The following DIP2B variants were observed in gnomAD, a reference collection of about 807,000 sequenced individuals.
The protein encoded by DIP2B is DIP2 acetate--CoA ligase B (putative).
A neutral mutation model predicts 198.0 loss-of-function variants in DIP2B; 76 were observed. The ratio of observed to expected loss-of-function variants is 0.38; its 90% CI spans 0.32 to 0.46. The LOEUF (loss-of-function observed/expected upper bound fraction) is 0.46, where lower values mean the gene tolerates loss of function less well. Ranked by LOEUF, DIP2B falls within the 20% of genes least tolerant of loss-of-function variation. The probability of loss-of-function intolerance (pLI) is 0.99; values close to 1 mark genes in which losing one functional copy is unlikely to be tolerated. For missense variants in DIP2B, 1,559 were observed against 1,978.4 expected, an observed-to-expected ratio of 0.79 and a Z score of 4.02; for synonymous variants, 701 against 739.1, an observed-to-expected ratio of 0.95 and a Z score of 0.84.
At chr12:50,555,494 T>G (rs1958462610) in intron 1 of DIP2B, among the ~76,000 whole-genome samples, 1 of 152,204 alleles carries the variant, frequency 6.6e-6, no homozygotes. Flanking sequence ...TGGTTAATGC[T>G]TATGTTTTCC....
At chr12:50,532,652 G>A (rs1958228830) in intron 1 of DIP2B, among the ~76,000 whole-genome samples, 1 of 152,206 alleles carries the variant, frequency 6.6e-6, no homozygotes, top group African/African-American at 2.4e-5. Context: ...TGACATGAAA[G>A]GTAGGTGAGG....
chr12:50,668,088 A>G (rs988177636), intron 4 of DIP2B, among the ~76,000 whole-genome samples: 1 of 151,988 alleles, frequency 6.6e-6, no homozygotes, highest in Non-Finnish European at 1.5e-5. Context: ...GTCCCCTCCA[A>G]GCTTTCTCGC....
chr12:50,507,115 T>G (rs1025135531), intron 1 of DIP2B, among the ~76,000 whole-genome samples: 2 of 152,218 alleles, frequency 1.3e-5, no homozygotes, highest in East Asian at 3.8e-4. Flanking sequence ...GGTGTGAAAC[T>G]TCTACAAATT....
chr12:50,677,435 T>G (rs1171583795), intron 7 of DIP2B, among the ~76,000 whole-genome samples: 1 of 152,090 alleles, frequency 6.6e-6, no homozygotes, highest in Non-Finnish European at 1.5e-5. Flanking sequence ...GCCAATATAG[T>G]GAAACCCCGT....
intron 1 of DIP2B, among the ~76,000 whole-genome samples, chr12:50,506,772 TCTC>T (rs1462282054): frequency 2.0e-5 from 3 of 152,212 alleles, no homozygotes; most frequent in African/African-American, 7.2e-5. Flanking sequence ...AACTCATTCT[TCTC>T]CTAGACTAAA....
In DIP2B at chr12:50,670,322, T is replaced by G. The variant is rs145893401; in HGVS notation, c.428-864T>G. On this transcript the variant is annotated intron_variant, in intron 4 of 37. Transcript: ENST00000301180. ...CCTGTGCACCCTGACTGGCTGCCTTTCCTACTAAGGCCATGAATAAGTCCA... is the reference window on the plus strand; with the variant it reads ...CCTGTGCACCCTGACTGGCTGCCTTGCCTACTAAGGCCATGAATAAGTCCA... 4.6e-3 allele frequency among the ~76,000 whole-genome samples: 698 copies of G among 152,256 alleles called. 8 individuals are homozygous for G. Among genetic ancestry groups the G allele is most frequent in the African/African-American group, 0.016 (659 of 41,560 alleles).
intron 23 of DIP2B, among the ~76,000 whole-genome samples, chr12:50,717,699 C>T (rs1293039666): frequency 1.3e-5 from 2 of 151,562 alleles, no homozygotes; most frequent in South Asian, 2.1e-4. Context: ...AATGATCCTC[C>T]CACCTCAGCC....
chr12:50,638,426 G>T (rs1938196170), intron 2 of DIP2B, among the ~76,000 whole-genome samples: 1 of 151,980 alleles, frequency 6.6e-6, no homozygotes, highest in Admixed American at 6.5e-5. Context: ...TAATTATATT[G>T]TGTACATAAT....
rs755142868 is a variant in DIP2B, at chr12:50,674,525, C to G, written c.692C>G (p.Ser231Ter). The change falls in exon 6 of 38, where the codon TCA becomes TGA. Residue 231 changes from serine (S) to a stop codon, truncating the protein, a stop_gained. Coordinates refer to ENST00000301180, the MANE Select transcript of DIP2B (RefSeq NM_173602.3). LOFTEE classifies it high-confidence loss of function. ...ACTACAACTACCTCTTCCTCCTCAT[C>G]ATCTTCCTCAATTCGCCCAGCAAAC... is the stretch of plus-strand genomic sequence containing the variant. ...DVTTTTSSSS[S>*]SSSIRPANID... 3 of 1,614,250 alleles carry G rather than the reference C, an allele frequency of 1.9e-6. No homozygotes were observed. The highest frequency in any genetic ancestry group is 1.7e-5 in the Admixed American group (1 of 60,030).
intron 1 of DIP2B, among the ~76,000 whole-genome samples, chr12:50,539,371 C>G (rs372466498): frequency 5.9e-5 from 9 of 151,732 alleles, no homozygotes; most frequent in African/African-American, 2.2e-4. Context: ...AATACCAGCA[C>G]TTTTGAGAAA....
intron 34 of DIP2B, among the ~76,000 whole-genome samples, chr12:50,736,397 C>A (rs775802158): frequency 6.6e-6 from 1 of 152,160 alleles, no homozygotes; most frequent in Non-Finnish European, 1.5e-5. Context: ...ACTTTAGAAA[C>A]CCAAGATAAA....
chr12:50,597,460 CAG>C (rs1347377781), intron 1 of DIP2B, among the ~76,000 whole-genome samples: 2 of 152,162 alleles, frequency 1.3e-5, no homozygotes, highest in Non-Finnish European at 2.9e-5. Flanking sequence ...TTATTCTAAA[CAG>C]GGAAAAGGTT....
chr12:50,521,489 C>CTTT lies in DIP2B; in HGVS notation c.100+16267_100+16269dup, dbSNP rs35971707. ...TCTCAGTTAGACTTCAGGTTTCTTT[C>CTTT]TTTTTTTTTTTTTTTTTTTTGAGAT... On this transcript the variant is annotated intron_variant, in intron 1 of 37. Transcript: ENST00000301180. Among the ~76,000 whole-genome samples, 285 of 98,198 alleles carry CTTT rather than the reference C, an allele frequency of 2.9e-3. 4 individuals carry two copies. The highest frequency in any genetic ancestry group is 8.7e-3 in the South Asian group (25 of 2,884). The allele number at this position is 98,198 out of a possible 152,430, so 64.4% of individuals were successfully genotyped here. A position where few individuals can be genotyped will look rare whatever the true frequency, so the allele number is the denominator to read the frequency against.
chr12:50,663,720 G>A (rs1372945708), intron 4 of DIP2B, among the ~76,000 whole-genome samples: 1 of 150,772 alleles, frequency 6.6e-6, no homozygotes, highest in Non-Finnish European at 1.5e-5. Flanking sequence ...AAATTAAAAA[G>A]TTAGCTGACT....
intron 3 of DIP2B, among the ~76,000 whole-genome samples, chr12:50,643,573 A>G (rs898392479): frequency 1.6e-4 from 25 of 152,278 alleles, no homozygotes; most frequent in African/African-American, 5.5e-4. Flanking sequence ...GGAGGGGAAC[A>G]TAAAAAGAGG....
At chr12:50,510,928 AG>A (rs1958009158) in intron 1 of DIP2B, among the ~76,000 whole-genome samples, 1 of 146,498 alleles carries the variant, frequency 6.8e-6, no homozygotes, top group Non-Finnish European at 1.5e-5. Flanking sequence ...TACAGGCATG[AG>A]CCACTGCGCC....
chr12:50,683,310 G>C, intron 10 of DIP2B, 62 bp downstream of exon 10: 1 of 1,375,464 alleles, frequency 7.3e-7, no homozygotes, highest in Non-Finnish European at 1.0e-6. Flanking sequence ...TTGGGTTCTT[G>C]GATAGATGTA....
At chr12:50,568,415 A>C (rs890460662) in intron 1 of DIP2B, among the ~76,000 whole-genome samples, 7 of 152,144 alleles carry the variant, frequency 4.6e-5, no homozygotes, top group African/African-American at 1.7e-4. Context: ...AAACAAAGGT[A>C]AAAAAAGAAG....
At chr12:50,720,055 C>G (rs561869305) in intron 25 of DIP2B, among the ~76,000 whole-genome samples, 4 of 150,894 alleles carry the variant, frequency 2.7e-5, no homozygotes, top group South Asian at 2.1e-4. Flanking sequence ...CTCAGCGTCC[C>G]GAGTAGCTGG....
Sources: gnomAD v4.1 joint callset for allele counts (sites outside exome capture counted in the v4.1 genomes callset) on GRCh38, gnomAD v4.1.1 for gene constraint, MANE v1.5 for transcripts, NCBI Gene and HGNC (gene_info 2026-07-23, HGNC 2026-07-21) for gene names.